Variants in PTPRD observed in about 807,000 individuals in gnomAD.
The protein encoded by PTPRD is protein tyrosine phosphatase receptor type D.
Under a neutral mutation model 214.5 loss-of-function variants are expected in PTPRD, and 34 were observed. The ratio of observed to expected loss-of-function variants is 0.16; its 90% confidence interval spans 0.12 to 0.21. The LOEUF is 0.21. Among genes scored for constraint, PTPRD ranks in the 10% least tolerant of loss-of-function variants. The probability of loss-of-function intolerance (pLI) is 1.00; values close to 1 mark genes in which losing one functional copy is unlikely to be tolerated. For synonymous variants in PTPRD, 1,128 were observed against 845.7 expected, an observed-to-expected ratio of 1.33 and a Z score of -5.79; for missense variants, 2,545 against 2,398.7, an observed-to-expected ratio of 1.06 and a Z score of -1.27.
chr9:10,132,123 T>C (rs750012234), intron 3 of PTPRD, among the ~76,000 whole-genome samples: 9 of 152,132 alleles, frequency 5.9e-5, no homozygotes, highest in Non-Finnish European at 1.3e-4. Context: ...CAGTTACTAC[T>C]GGTAATGATT....
intron 4 of PTPRD, among the ~76,000 whole-genome samples, chr9:9,998,758 G>A (rs558364925): frequency 6.6e-6 from 1 of 152,246 alleles, no homozygotes; most frequent in East Asian, 1.9e-4. Context: ...AATTAGCTGA[G>A]CTAATAGCTC....
At chr9:8,848,261 C>G (rs2097740079) in intron 11 of PTPRD, among the ~76,000 whole-genome samples, 1 of 149,264 alleles carries the variant, frequency 6.7e-6, no homozygotes, top group Non-Finnish European at 1.5e-5. Context: ...ACAGAAGATA[C>G]TCTTCAGAAA....
intron 5 of PTPRD, among the ~76,000 whole-genome samples, chr9:9,922,118 C>G (rs1355808927): frequency 1.3e-5 from 2 of 152,058 alleles, no homozygotes; most frequent in South Asian, 2.1e-4. Context: ...TAGCAAATCA[C>G]TCAGAGAAGC....
At chr9:10,437,547 T>C (rs2098728005) in intron 2 of PTPRD, among the ~76,000 whole-genome samples, 1 of 151,812 alleles carries the variant, frequency 6.6e-6, no homozygotes, top group African/African-American at 2.4e-5. Flanking sequence ...GATGCTTGAT[T>C]ACTCTTCAAA....
At chr9:9,771,600 A>G (rs1056415233) in intron 5 of PTPRD, among the ~76,000 whole-genome samples, 1 of 152,176 alleles carries the variant, frequency 6.6e-6, no homozygotes, top group Non-Finnish European at 1.5e-5. Flanking sequence ...TTAAGCCTTT[A>G]AAATAACTTA....
chr9:9,702,629 CAG>C (rs1472747006), intron 7 of PTPRD, among the ~76,000 whole-genome samples: 1 of 152,088 alleles, frequency 6.6e-6, no homozygotes, highest in Non-Finnish European at 1.5e-5. Context: ...GAGGAGAAAA[CAG>C]AAAAGATATT....
intron 2 of PTPRD, among the ~76,000 whole-genome samples, chr9:10,463,855 G>C (rs12378730): frequency 2.6e-5 from 4 of 152,066 alleles, no homozygotes; most frequent in Non-Finnish European, 4.4e-5. Flanking sequence ...AATGATTTCA[G>C]ATCTGTGAAC....
chr9:10,451,026 T>C (rs1267260804), intron 2 of PTPRD, among the ~76,000 whole-genome samples: 1 of 152,012 alleles, frequency 6.6e-6, no homozygotes, highest in Non-Finnish European at 1.5e-5. Flanking sequence ...CTTAATAACA[T>C]GATAGATAAT....
At chr9:8,525,609 AAAAG>A (rs373769743) in intron 17 of PTPRD, among the ~76,000 whole-genome samples, 2 of 152,332 alleles carry the variant, frequency 1.3e-5, no homozygotes, top group African/African-American at 2.4e-5. Flanking sequence ...GATTTTTAAG[AAAAG>A]AAAGACAGTT....
At chr9:8,635,688 T>A (rs2096407892) in intron 13 of PTPRD, among the ~76,000 whole-genome samples, 1 of 152,088 alleles carries the variant, frequency 6.6e-6, no homozygotes, top group Admixed American at 6.6e-5. Flanking sequence ...TCTGCCAAAC[T>A]GTAAATTAGG....
chr9:8,390,212 T>G (rs2088969653), intron 36 of PTPRD, among the ~76,000 whole-genome samples: 1 of 152,160 alleles, frequency 6.6e-6, no homozygotes, highest in South Asian at 2.1e-4. Flanking sequence ...CTGTAACTTC[T>G]TCAAACCCAA....
At chr9:8,329,748 C>T (rs1490949985) in intron 44 of PTPRD, among the ~76,000 whole-genome samples, 2 of 152,086 alleles carry the variant, frequency 1.3e-5, no homozygotes, top group Non-Finnish European at 2.9e-5. Context: ...AAGCAGTTGG[C>T]CTTGCTGAGC....
intron 11 of PTPRD, among the ~76,000 whole-genome samples, chr9:8,894,016 C>A (rs2098573099): frequency 6.6e-6 from 1 of 151,948 alleles, no homozygotes; most frequent in Non-Finnish European, 1.5e-5. Flanking sequence ...TTGTAAAGCA[C>A]ACCCGAAGAT....
At chr9:9,489,033 T>A (rs1378889791) in intron 8 of PTPRD, among the ~76,000 whole-genome samples, 1 of 152,218 alleles carries the variant, frequency 6.6e-6, no homozygotes, top group Non-Finnish European at 1.5e-5. Flanking sequence ...TTGGCCTAAG[T>A]GATTTCCAGG....
Position 9,989,563 on chromosome 9 carries a change from A to G in PTPRD, c.-472+44155T>C, listed in dbSNP as rs1011962319. Among the ~76,000 whole-genome samples the G allele has an allele frequency of 1.5e-4, 23 of 152,126 alleles. 1 individual carries two copies. Among genetic ancestry groups the G allele is most frequent in the Admixed American group, 1.2e-3 (18 of 15,288 alleles). On this transcript the variant is annotated intron_variant, in intron 4 of 45. Transcript: ENST00000381196. Reference sequence around the variant, plus strand: ...CCTTCTAGCTCCCCTTCTTGCCGAGAGCCACTTCCTCTGCTCACTAAAATC... The same window carrying G: ...CCTTCTAGCTCCCCTTCTTGCCGAGGGCCACTTCCTCTGCTCACTAAAATC...
chr9:9,789,763 C>T (rs2098953330), intron 5 of PTPRD, among the ~76,000 whole-genome samples: 1 of 129,882 alleles, frequency 7.7e-6, no homozygotes, highest in African/African-American at 3.1e-5. Context: ...CGCCACTGCA[C>T]TCCAGCCTGG....
At chr9:9,350,848 A>C (rs1473273783) in intron 9 of PTPRD, among the ~76,000 whole-genome samples, 1 of 152,144 alleles carries the variant, frequency 6.6e-6, no homozygotes, top group African/African-American at 2.4e-5. Flanking sequence ...ATATTCCCTC[A>C]GATAACGAGG....
chr9:8,618,213 G>A (rs2095675514), intron 14 of PTPRD, among the ~76,000 whole-genome samples: 1 of 152,038 alleles, frequency 6.6e-6, no homozygotes, highest in Non-Finnish European at 1.5e-5. Flanking sequence ...AAAATTTGCT[G>A]CACGAGTTTG....
intron 15 of PTPRD, among the ~76,000 whole-genome samples, chr9:8,527,774 G>A (rs1356484076): frequency 1.3e-5 from 2 of 152,072 alleles, no homozygotes; most frequent in East Asian, 1.9e-4. Flanking sequence ...AACTTGGGAT[G>A]GGAATGGGAA....
Sources: gnomAD v4.1 joint callset for allele counts (sites outside exome capture counted in the v4.1 genomes callset) on GRCh38, gnomAD v4.1.1 for gene constraint, MANE v1.5 for transcripts, NCBI Gene and HGNC (gene_info 2026-07-23, HGNC 2026-07-21) for gene names.